NLRX1: variants seen among roughly 807,000 people sequenced by gnomAD.
NLRX1 encodes NLR family member X1.
Under a neutral mutation model 74.2 loss-of-function variants are expected in NLRX1, and 67 were observed. That is an observed-to-expected ratio of 0.90 (90% confidence interval 0.74 to 1.11). NLRX1 has a LOEUF of 1.11. Ranked by LOEUF, NLRX1 falls within the 50% of genes least tolerant of loss-of-function variation. The pLI is 0.00. For synonymous variants in NLRX1, 506 were observed against 559.1 expected (o/e 0.91, Z 1.34); for missense variants, 1,191 against 1,305.4 (o/e 0.91, Z 1.35).
At chr11:119,169,881 A>T (rs1948498539) in intron 1 of NLRX1, among the ~76,000 whole-genome samples, 1 of 152,046 alleles carries the variant, frequency 6.6e-6, no homozygotes, top group Non-Finnish European at 1.5e-5. Context: ...CTTTAGTCCT[A>T]GCTACTCAGG....
chr11:119,175,039 C>T lies in NLRX1; in HGVS notation c.1436C>T (p.Ala479Val). Residue 479 changes from alanine (A) to valine (V), a missense_variant, in exon 6 of 10, where the codon GCC (alanine) becomes GTC (valine). Physicochemically the swap from Ala to Val is moderately conservative, Grantham distance 64 (BLOSUM62 0). Coordinates refer to ENST00000409109, the MANE Select transcript of NLRX1 (RefSeq NM_001282144.2). ...FRRDALRFFLAPCVEPGRAGT... is the reference protein window; with the variant it reads ...FRRDALRFFLVPCVEPGRAGT... ...CGGGATGCCCTGAGGTTTTTCCTGGCCCCATGTGTGGAGCCAGGGCGTGCA... is the reference window on the plus strand; with the variant it reads ...CGGGATGCCCTGAGGTTTTTCCTGGTCCCATGTGTGGAGCCAGGGCGTGCA... The T allele has an allele frequency of 6.2e-7, 1 of 1,614,148 alleles. No homozygotes were observed. The highest frequency in any genetic ancestry group is 8.5e-7 in the Non-Finnish European group (1 of 1,180,040).
chr11:119,170,776 G>C (rs1948521482), intron 1 of NLRX1, among the ~76,000 whole-genome samples: 1 of 152,174 alleles, frequency 6.6e-6, no homozygotes, highest in African/African-American at 2.4e-5. Context: ...AAGGAAAAAG[G>C]ACACCTAAAT....
At position 119,168,756 on chromosome 11, in the gene NLRX1, G is replaced by A. The variant is rs1044732464; in HGVS notation, c.-595G>A. The A allele has an allele frequency of 1.3e-5, 2 of 152,372 alleles. No homozygotes were observed. Among genetic ancestry groups the A allele is most frequent in the Non-Finnish European group, 1.5e-5 (1 of 68,158 alleles). 9.4% of individuals were successfully genotyped at this position (152,372 alleles called of 1,614,324 possible). ...CGCGGGGATGGAGGCAGGGAGGGGG[G>A]ACGATGGCGGGACGGGTGGCGCCGG... On this transcript the variant is annotated 5_prime_UTR_variant, in exon 1 of 10. Transcript: ENST00000409109.
Position 119,180,132 on chromosome 11 carries a change from C to T in NLRX1, c.2111C>T (p.Ala704Val). ...VLSSLRQLNL[A>V]GVRMTPVKCT... ...AGCTCCCTGCGTCAGCTCAACCTGG[C>T]AGGTGTGCGCATGACACCAGTCAAG... The change falls in exon 7 of 10, where the codon GCA (alanine) becomes GTA (valine). Residue 704 changes from alanine (A) to valine (V), a missense_variant. By Grantham distance (64) the Ala-to-Val change is moderately conservative. Transcript: ENST00000409109. 6.2e-7 allele frequency: 1 copy of T among 1,613,162 alleles called. No individual in the cohort carries two copies. The highest frequency in any genetic ancestry group is 8.5e-7 in the Non-Finnish European group (1 of 1,179,412).
chr11:119,175,175 G>C lies in NLRX1; in HGVS notation c.1572G>C (p.Glu524Asp). Residue 524 changes from glutamate to aspartate, a missense_variant, in exon 6 of 10, where the codon GAG (glutamate) becomes GAC (aspartate). Glu to Asp is a conservative substitution (Grantham distance 45, BLOSUM62 2). Transcript: ENST00000409109. The stretch of plus-strand genomic sequence containing the variant: ...AAAAGGTGGGCAAGGAAGTGGCTGA[G>C]CTCGTGGGCCGTGTTGGGGAGGACG... ...TLQKVGKEVA[E>D]LVGRVGEDVS... 2 of 1,614,236 alleles carry C rather than the reference G, an allele frequency of 1.2e-6. No individual in the cohort carries two copies. The highest frequency in any genetic ancestry group is 1.7e-6 in the Non-Finnish European group (2 of 1,180,040).
intron 9 of NLRX1, 82 bp downstream of exon 9, chr11:119,182,427 G>C: frequency 6.5e-7 from 1 of 1,537,612 alleles, no homozygotes; most frequent in Non-Finnish European, 8.8e-7. Flanking sequence ...ATCCTAGGGA[G>C]TGCTTCTGGG....
At position 119,174,572 on chromosome 11, in the gene NLRX1, G is replaced by C. The variant is rs1814687634; in HGVS notation, c.969G>C (p.Gln323His). Residue 323 changes from glutamine (Q) to histidine (H), a missense_variant, in exon 6 of 10, where the codon CAG becomes CAC. Physicochemically the swap from Gln to His is conservative, Grantham distance 24. Transcript: ENST00000409109. ...SDTNLQKLYF[Q>H]LRLNQPYCGY... Reference sequence around the variant, plus strand: ...CCAACCTGCAGAAGCTCTACTTCCAGCTCCGCCTCAACCAGCCGTACTGCG... The same window carrying C: ...CCAACCTGCAGAAGCTCTACTTCCACCTCCGCCTCAACCAGCCGTACTGCG... The C allele has an allele frequency of 5.0e-6, 8 of 1,614,024 alleles. No individual in the cohort carries two copies. The African/African-American group carries it at 8.0e-5, about 16-fold the overall frequency.
intron 1 of NLRX1, among the ~76,000 whole-genome samples, chr11:119,170,757 G>C (rs1391297978): frequency 6.6e-6 from 1 of 152,158 alleles, no homozygotes; most frequent in African/African-American, 2.4e-5. Flanking sequence ...GAGCTTGCTG[G>C]TGGCCAAGAA....
Position 119,173,808 on chromosome 11 carries a change from CG to C in NLRX1, c.561del (p.Leu188CysfsTer36). 1 of 1,613,462 alleles carries C rather than the reference CG, an allele frequency of 6.2e-7. No homozygotes were observed. Among genetic ancestry groups the C allele is most frequent in the Non-Finnish European group, 8.5e-7 (1 of 1,180,018 alleles). On this transcript the variant is annotated frameshift_variant, in exon 5 of 10. Coordinates refer to ENST00000409109, the MANE Select transcript of NLRX1 (RefSeq NM_001282144.2). LOFTEE classifies it high-confidence loss of function. The surrounding 1 kb of genome is among the most constrained non-coding windows in gnomAD (Gnocchi z 4.0). ...GATGGTTCTGGACTGGTGTTATGGG[CG>C]GCTGCCGGCCTTCGAGCTGCTCATC... ...RKMVLDWCYG[R>X]LPAFELLIPF... is the part of the protein sequence containing the mutation.
rs778144483 is a variant in NLRX1, at chr11:119,180,067, C to T, written c.2046C>T (p.His682=). ...AGCTCCTTGACCACCTCTTCTTCCACTATGAGTTCCAGAACCAGCGCTTCT... is the reference window on the plus strand; with the variant it reads ...AGCTCCTTGACCACCTCTTCTTCCATTATGAGTTCCAGAACCAGCGCTTCT... ...PSELLDHLFF[H]YEFQNQRFSA... Residue 682 remains histidine (H), a synonymous_variant, in exon 7 of 10, where the codon CAC becomes CAT. Transcript: ENST00000409109. 1.2e-6 allele frequency: 2 copies of T among 1,613,602 alleles called. No individual in the cohort carries two copies. Among genetic ancestry groups the T allele is most frequent in the African/African-American group, 1.3e-5 (1 of 74,958 alleles).
At chr11:119,170,920 GA>G (rs1258593384) in intron 1 of NLRX1, among the ~76,000 whole-genome samples, 6 of 152,226 alleles carry the variant, frequency 3.9e-5, no homozygotes, top group African/African-American at 1.4e-4. Flanking sequence ...AAGGCAGGCA[GA>G]TTACCTGAGG....
chr11:119,183,489 T>C lies in NLRX1; in HGVS notation c.*50T>C. 6.5e-7 allele frequency: 1 copy of C among 1,529,918 alleles called. No homozygotes were observed. The highest frequency in any genetic ancestry group is 8.8e-7 in the Non-Finnish European group (1 of 1,130,170). The allele number at this position is 1,529,918 out of a possible 1,614,324, so 94.8% of individuals were successfully genotyped here. ...ATGTGACCACTGGCCCTAAACCTTT[T>C]CCCTCTGTGGCCTCCTGGCTTGCAC... On this transcript the variant is annotated 3_prime_UTR_variant, in exon 10 of 10. Transcript: ENST00000409109. This position sits in a 1 kb window ranked among gnomAD's most constrained non-coding sequence, Gnocchi z 5.7.
At position 119,173,671 on chromosome 11, in the gene NLRX1, T is replaced by TC; in HGVS notation, c.428dup (p.Leu144ThrfsTer8). The TC allele has an allele frequency of 1.2e-6, 2 of 1,613,908 alleles. No homozygotes were observed. The highest frequency in any genetic ancestry group is 1.7e-6 in the Non-Finnish European group (2 of 1,180,016). ...GAGCATCAGCCACCCCAGGCCGGGC[T>TC]CCCCCCACTGGCCTTGTCTCAGCTC... On this transcript the variant is annotated frameshift_variant, in exon 5 of 10. Coordinates refer to ENST00000409109, the MANE Select transcript of NLRX1 (RefSeq NM_001282144.2). LOFTEE classifies it high-confidence loss of function. This position sits in a 1 kb window ranked among gnomAD's most constrained non-coding sequence, Gnocchi z 4.0.
At chr11:119,168,411 A>G (rs1308993077), upstream of NLRX1, 1 of 152,222 alleles carries the variant, frequency 6.6e-6, no homozygotes, top group East Asian at 1.9e-4. Flanking sequence ...ATAAGGCAGA[A>G]CCCAAGGAAG....
chr11:119,177,779 G>A (rs1267660182), intron 6 of NLRX1: 2 of 152,180 alleles, frequency 1.3e-5, no homozygotes, highest in Admixed American at 1.3e-4. Flanking sequence ...TGCAACGAGA[G>A]GCTGCAGTCT....
At chr11:119,176,167 G>C (rs1462174514) in intron 6 of NLRX1, among the ~76,000 whole-genome samples, 1 of 152,198 alleles carries the variant, frequency 6.6e-6, no homozygotes, top group African/African-American at 2.4e-5. Flanking sequence ...CTCTAGGAAT[G>C]TTTCAGCAAC....
In NLRX1 at chr11:119,173,297, C is replaced by A; in HGVS notation, c.230-182C>A. On this transcript the variant is annotated intron_variant, in intron 4 of 9. Transcript: ENST00000409109. The surrounding 1 kb of genome is among the most constrained non-coding windows in gnomAD (Gnocchi z 4.0). ...TGTCCAGTGGCTTCCCACTTTCTGA[C>A]ATAGGGGTTCCAGACTTTCTGGACA... is the stretch of plus-strand genomic sequence containing the variant. The A allele has an allele frequency of 1.3e-6, 1 of 743,042 alleles. No homozygotes were observed. The highest frequency in any genetic ancestry group is 2.2e-6 in the Non-Finnish European group (1 of 451,890). 46.0% of individuals were successfully genotyped at this position (743,042 alleles called of 1,614,324 possible).
At chr11:119,169,750 G>A (rs976514244) in intron 1 of NLRX1, among the ~76,000 whole-genome samples, 1 of 152,174 alleles carries the variant, frequency 6.6e-6, no homozygotes, top group African/African-American at 2.4e-5. Context: ...CGCACTTTGG[G>A]AGGGCAAGGC....
chr11:119,174,372 C>T (rs574924968), intron 5 of NLRX1, 81 bp from the exon 6 acceptor site: 21 of 1,400,798 alleles, frequency 1.5e-5, no homozygotes, highest in Middle Eastern at 1.8e-4. Context: ...TTGGACACTC[C>T]GTCTTCAGGG....
Sources: allele counts gnomAD v4.1 joint callset (sites outside exome capture counted in the v4.1 genomes callset), GRCh38; gene constraint gnomAD v4.1.1; non-coding constraint Gnocchi (gnomAD v3.1); transcripts MANE v1.5; gene names NCBI Gene and HGNC (gene_info 2026-07-23, HGNC 2026-07-21).